The following PRICKLE2 variants were observed in gnomAD, a reference collection of about 807,000 sequenced individuals.
PRICKLE2 encodes the protein prickle-like protein 2.
Under a neutral mutation model 81.4 loss-of-function variants are expected in PRICKLE2, and 21 were observed. The ratio of observed to expected loss-of-function variants is 0.26; its 90% CI spans 0.18 to 0.37. The LOEUF (loss-of-function observed/expected upper bound fraction) is 0.37, where lower values mean the gene tolerates loss of function less well. PRICKLE2 is among the 10% of genes least tolerant of loss of function. The probability of loss-of-function intolerance (pLI) is 1.00; values close to 1 mark genes in which losing one functional copy is unlikely to be tolerated. For missense variants in PRICKLE2, 940 were observed against 1,109.0 expected, an observed-to-expected ratio of 0.85 and a Z score of 2.16; for synonymous variants, 456 against 421.5, an observed-to-expected ratio of 1.08 and a Z score of -1.00.
intron 2 of PRICKLE2, chr3:64,163,814 C>G (rs1014456135): frequency 3.3e-5 from 5 of 152,182 alleles, no homozygotes; most frequent in African/African-American, 1.2e-4. Context: ...CTGGGGAAAG[C>G]ACCAAGCAGC....
intron 2 of PRICKLE2, chr3:64,194,319 G>A (rs1396011659): frequency 1.3e-5 from 2 of 152,192 alleles, no homozygotes; most frequent in Non-Finnish European, 2.9e-5. Context: ...CATGGTAGGT[G>A]CTCAATAAAT....
intron 7 of PRICKLE2, among the ~76,000 whole-genome samples, chr3:64,118,622 A>G (rs2076977145): frequency 6.6e-6 from 1 of 152,218 alleles, no homozygotes; most frequent in Admixed American, 6.5e-5. Context: ...AATTAGAGAA[A>G]TGCAACTCAA....
At chr3:64,184,306 T>C (rs1487554457) in intron 2 of PRICKLE2, among the ~76,000 whole-genome samples, 1 of 152,178 alleles carries the variant, frequency 6.6e-6, no homozygotes, top group Non-Finnish European at 1.5e-5. Flanking sequence ...TAAAACAACT[T>C]GCTCCAATCA....
intron 2 of PRICKLE2, among the ~76,000 whole-genome samples, chr3:64,198,240 A>G (rs1002386607): frequency 3.5e-5 from 5 of 142,554 alleles, no homozygotes; most frequent in Admixed American, 3.4e-4. Context: ...ATAAATAAAT[A>G]AATAAATAAA....
At chr3:64,204,102 C>A (rs1271567548) in intron 1 of PRICKLE2, among the ~76,000 whole-genome samples, 1 of 152,170 alleles carries the variant, frequency 6.6e-6, no homozygotes, top group African/African-American at 2.4e-5. Flanking sequence ...GGGTACCCAA[C>A]CAAGACAAAG....
intron 6 of PRICKLE2, among the ~76,000 whole-genome samples, chr3:64,151,480 T>C (rs184744779): frequency 8.5e-5 from 13 of 152,290 alleles, no homozygotes; most frequent in African/African-American, 2.6e-4. Flanking sequence ...AGAGAGATTT[T>C]TTCTCTCTGC....
At chr3:64,217,439 T>C (rs2078889366) in intron 1 of PRICKLE2, among the ~76,000 whole-genome samples, 1 of 152,224 alleles carries the variant, frequency 6.6e-6, no homozygotes, top group South Asian at 2.1e-4. Flanking sequence ...GTAAATAGTG[T>C]ACATTGTACC....
intron 5 of PRICKLE2, among the ~76,000 whole-genome samples, chr3:64,155,375 A>AT (rs2077617068): frequency 6.6e-6 from 1 of 151,800 alleles, no homozygotes; most frequent in South Asian, 2.1e-4. Context: ...TGAAAAAAAA[A>AT]AACAGATAAT....
intron 7 of PRICKLE2, among the ~76,000 whole-genome samples, chr3:64,133,611 C>G (rs2077232022): frequency 6.6e-6 from 1 of 152,064 alleles, no homozygotes; most frequent in Non-Finnish European, 1.5e-5. Context: ...GGGATCAGTG[C>G]AGGAAGGCTG....
intron 7 of PRICKLE2, among the ~76,000 whole-genome samples, chr3:64,108,773 C>A (rs1174104905): frequency 2.6e-5 from 4 of 152,102 alleles, no homozygotes; most frequent in African/African-American, 9.7e-5. Context: ...TGCTTCTACT[C>A]CAGGAAACAA....
intron 2 of PRICKLE2, among the ~76,000 whole-genome samples, chr3:64,173,649 A>G (rs758464209): frequency 6.6e-6 from 1 of 152,220 alleles, no homozygotes; most frequent in Non-Finnish European, 1.5e-5. Context: ...TTTAAAAAGT[A>G]AAAAGAGCAG....
intron 1 of PRICKLE2, among the ~76,000 whole-genome samples, chr3:64,212,018 G>T (rs188866576): frequency 1.6e-3 from 245 of 152,304 alleles, no homozygotes; most frequent in African/African-American, 5.6e-3. Flanking sequence ...AGCCAGTGAG[G>T]AATCTGCCTA....
intron 2 of PRICKLE2, among the ~76,000 whole-genome samples, chr3:64,169,763 G>A (rs372864940): frequency 2.6e-4 from 40 of 152,198 alleles, no homozygotes; most frequent in South Asian, 1.5e-3. Context: ...TTTATTTCAC[G>A]TGCCCCCTCA....
At chr3:64,146,776 A>G in intron 7 of PRICKLE2, 54 bp downstream of exon 7, 1 of 1,594,546 alleles carries the variant, frequency 6.3e-7, no homozygotes, top group Non-Finnish European at 8.6e-7. Context: ...ACCAGCATCC[A>G]GTCACCCAGA....
chr3:64,165,191 T>C (rs956795873), intron 2 of PRICKLE2, among the ~76,000 whole-genome samples: 4 of 152,148 alleles, frequency 2.6e-5, no homozygotes, highest in East Asian at 3.9e-4. Flanking sequence ...CCCCTGTCCA[T>C]TGCCTAGAGC....
intron 2 of PRICKLE2, among the ~76,000 whole-genome samples, chr3:64,242,815 A>G (rs1306341146): frequency 6.6e-6 from 1 of 152,254 alleles, no homozygotes; most frequent in East Asian, 1.9e-4. Context: ...GATGGGGCCA[A>G]GAGTGTACCT....
chr3:64,223,720 T>C (rs2078989935), intron 1 of PRICKLE2, among the ~76,000 whole-genome samples: 8 of 152,114 alleles, frequency 5.3e-5, no homozygotes, highest in Admixed American at 5.2e-4. Context: ...ATTTCCAAAA[T>C]ATGGTAATTA....
At chr3:64,259,217 T>C (rs1050127660) in intron 2 of PRICKLE2, among the ~76,000 whole-genome samples, 6 of 152,216 alleles carry the variant, frequency 3.9e-5, no homozygotes, top group African/African-American at 1.4e-4. Flanking sequence ...AGGAACATGA[T>C]AACAGTGGCA....
At chr3:64,166,672 A>C (rs578002415) in intron 2 of PRICKLE2, among the ~76,000 whole-genome samples, 1 of 152,220 alleles carries the variant, frequency 6.6e-6, no homozygotes, top group Non-Finnish European at 1.5e-5. Context: ...TGGATGACTT[A>C]AGAACTTACC....
Sources: allele counts gnomAD v4.1 joint callset (sites outside exome capture counted in the v4.1 genomes callset), GRCh38; gene constraint gnomAD v4.1.1; transcripts MANE v1.5; gene names NCBI Gene and HGNC (gene_info 2026-07-23, HGNC 2026-07-21).